The following CHD5 variants were observed in gnomAD, a reference collection of about 807,000 sequenced individuals.
CHD5 encodes chromodomain helicase DNA binding protein 5, also known as ATP-dependent chromatin remodeler CHD5.
In CHD5, 69 loss-of-function variants were observed where a neutral mutation model predicts 230.3. The observed-to-expected ratio is 0.30, with a 90% confidence interval of 0.25 to 0.37. The LOEUF is 0.37. CHD5 is among the 10% of genes least tolerant of loss of function. The pLI is 1.00. For synonymous variants in CHD5, 1,064 were observed against 1,065.9 expected (o/e 1.00, Z 0.03); for missense variants, 1,827 against 2,622.8 (o/e 0.70, Z 6.63).
intron 11 of CHD5, 99 bp from the exon 12 acceptor site, chr1:6,144,254 G>A: frequency 6.6e-7 from 1 of 1,521,730 alleles, no homozygotes; most frequent in Non-Finnish European, 9.0e-7. Flanking sequence ...TCACACCCAG[G>A]GTCCCCTCGG....
chr1:6,128,667 G>A lies in CHD5; in HGVS notation c.3620-58C>T, dbSNP rs987179575. 1.4e-5 allele frequency: 21 copies of A among 1,459,644 alleles called. No individual in the cohort carries two copies. Among genetic ancestry groups the A allele is most frequent in the Middle Eastern group, 3.5e-4 (2 of 5,776 alleles). 90.4% of individuals were successfully genotyped at this position (1,459,644 alleles called of 1,614,324 possible). On this transcript the variant is annotated intron_variant, in intron 23 of 41. Transcript: ENST00000262450. The surrounding 1 kb of genome is among the most constrained non-coding windows in gnomAD (Gnocchi z 7.8). ...GACCACAGAGGGCTGCAGGGTTGGCGGGCAGTGCCCAGAGACACCACCCTG... is the reference window on the plus strand; with the variant it reads ...GACCACAGAGGGCTGCAGGGTTGGCAGGCAGTGCCCAGAGACACCACCCTG...
At position 6,130,677 on chromosome 1, in the gene CHD5, C is replaced by G. The variant is rs1293012452; in HGVS notation, c.3263-349G>C. On this transcript the variant is annotated intron_variant, in intron 21 of 41. Coordinates refer to ENST00000262450, the MANE Select transcript of CHD5 (RefSeq NM_015557.3). The surrounding 1 kb of genome is among the most constrained non-coding windows in gnomAD (Gnocchi z 4.9). ...GAGCTCAGAGTCCTTCATGTCCCCG[C>G]AGCTTCCCACCCCTGGCTTCCCTTA... 6.6e-6 allele frequency among the ~76,000 whole-genome samples: 1 copy of G among 152,220 alleles called. No individual in the cohort carries two copies. The highest frequency in any genetic ancestry group is 6.5e-5 in the Admixed American group (1 of 15,290).
rs533462615 is a variant in CHD5, at chr1:6,125,006, A to G, written c.4394+94T>C. The G allele has an allele frequency of 1.5e-4, 198 of 1,305,604 alleles. No homozygotes were observed. The African/African-American group carries it at 2.1e-3, about 14-fold the overall frequency. 80.9% of individuals were successfully genotyped at this position (1,305,604 alleles called of 1,614,324 possible). On this transcript the variant is annotated intron_variant, in intron 29 of 41. Transcript: ENST00000262450. The surrounding 1 kb of genome is among the most constrained non-coding windows in gnomAD (Gnocchi z 6.7). ...TTTCCAGACGGCCTCATCCTGGCGG[A>G]AGCAAATGCTGCCCTCTGTGGGGCT...
chr1:6,111,933 G>A (rs752654062), intron 35 of CHD5, 50 bp from the exon 36 acceptor site: 39 of 1,534,480 alleles, frequency 2.5e-5, no homozygotes, highest in African/African-American at 4.1e-5. Flanking sequence ...CAGCTCTCAC[G>A]CACAGGCAGG....
intron 36 of CHD5, among the ~76,000 whole-genome samples, chr1:6,110,895 G>C (rs1461302535): frequency 6.6e-6 from 1 of 152,192 alleles, no homozygotes; most frequent in Admixed American, 6.5e-5. Context: ...TGCTGGACTA[G>C]GGTGGGCCCT....
Position 6,130,119 on chromosome 1 carries a change from G to T in CHD5, c.3387+85C>A. The T allele has an allele frequency of 6.7e-7, 1 of 1,499,242 alleles. No individual in the cohort carries two copies. The allele number at this position is 1,499,242 out of a possible 1,614,324, so 92.9% of individuals were successfully genotyped here. A position where few individuals can be genotyped will look rare whatever the true frequency, so the allele number is the denominator to read the frequency against. On this transcript the variant is annotated intron_variant, in intron 22 of 41. Coordinates refer to ENST00000262450, the MANE Select transcript of CHD5 (RefSeq NM_015557.3). This position sits in a 1 kb window ranked among gnomAD's most constrained non-coding sequence, Gnocchi z 4.9. ...CACCAGGATAGGTGAGGGGGTGATG[G>T]CAAGAAGGGCATGAAGGACAGAACC...
intron 11 of CHD5, among the ~76,000 whole-genome samples, chr1:6,144,784 T>G (rs1157641013): frequency 6.6e-6 from 1 of 152,152 alleles, no homozygotes; most frequent in Non-Finnish European, 1.5e-5. Flanking sequence ...GGGGCTTGAC[T>G]ACCCCACACA....
At chr1:6,132,318 C>T (rs1389889768) in intron 20 of CHD5, among the ~76,000 whole-genome samples, 1 of 152,202 alleles carries the variant, frequency 6.6e-6, no homozygotes, top group Non-Finnish European at 1.5e-5. Flanking sequence ...GAGATTTTGC[C>T]ATGGTCTCTG....
At chr1:6,136,304 G>T (rs1339559900) in intron 17 of CHD5, among the ~76,000 whole-genome samples, 1 of 152,206 alleles carries the variant, frequency 6.6e-6, no homozygotes, top group East Asian at 1.9e-4. Context: ...AGCAGCAGTT[G>T]ATATTTACCA....
At chr1:6,166,749 AAGG>A (rs1667262139) in intron 2 of CHD5, among the ~76,000 whole-genome samples, 1 of 152,060 alleles carries the variant, frequency 6.6e-6, no homozygotes, top group Non-Finnish European at 1.5e-5. Flanking sequence ...CCCAGAGGCG[AAGG>A]CAGGGACCCT....
chr1:6,151,229 T>C, intron 6 of CHD5, 74 bp from the exon 7 acceptor site: 1 of 1,496,624 alleles, frequency 6.7e-7, no homozygotes. Context: ...CAGTGTGGGG[T>C]GGGACAAAGC....
chr1:6,161,168 T>C (rs1667172043), intron 2 of CHD5, among the ~76,000 whole-genome samples: 1 of 151,626 alleles, frequency 6.6e-6, no homozygotes, highest in Non-Finnish European at 1.5e-5. Flanking sequence ...GGAAAGAGAA[T>C]GAGGAGGCAG....
chr1:6,180,068 G>T lies in CHD5; in HGVS notation c.-45C>A. On this transcript the variant is annotated 5_prime_UTR_variant, in exon 1 of 42. Coordinates refer to ENST00000262450, the MANE Select transcript of CHD5 (RefSeq NM_015557.3). ...GGAGGTGGGCGCCCCCCCTCCCGCC[G>T]GGCGCGGTGCCAGCCTTAACCCGTG... is the stretch of plus-strand genomic sequence containing the variant. 8.9e-7 allele frequency: 1 copy of T among 1,118,490 alleles called. No individual in the cohort carries two copies. The highest frequency in any genetic ancestry group is 1.1e-6 in the Non-Finnish European group (1 of 879,064). 69.3% of individuals were successfully genotyped at this position (1,118,490 alleles called of 1,614,324 possible).
rs550338760 is a variant in CHD5 at position 6,130,924 on chromosome 1, C to T, written c.3263-596G>A. Among the ~76,000 whole-genome samples the T allele has an allele frequency of 5.3e-5, 8 of 152,368 alleles. No individual in the cohort carries two copies. Among genetic ancestry groups the T allele is most frequent in the African/African-American group, 1.7e-4 (7 of 41,582 alleles). ...CCTGCTTCCACATGTGGCTGGGCCA[C>T]GTCTAGACCCTGAAACTCTGAACTT... On this transcript the variant is annotated intron_variant, in intron 21 of 41. Coordinates refer to ENST00000262450, the MANE Select transcript of CHD5 (RefSeq NM_015557.3). The surrounding 1 kb of genome is among the most constrained non-coding windows in gnomAD (Gnocchi z 4.9).
intron 2 of CHD5, among the ~76,000 whole-genome samples, chr1:6,166,480 C>A (rs4908535): frequency 0.33 from 50,707 of 151,692 alleles, 13,444 homozygotes; most frequent in African/African-American, 0.71. Flanking sequence ...CAAAGAGCAC[C>A]GGGGCGGTAC....
chr1:6,128,210 T>C lies in CHD5; in HGVS notation c.3739A>G (p.Lys1247Glu). ...KHGSTPPGDNKDVEDSSVIHY... is the reference protein window; with the variant it reads ...KHGSTPPGDNEDVEDSSVIHY... The stretch of plus-strand genomic sequence containing the variant: ...ATCACACTGCTGTCCTCCACGTCCT[T>C]GTTGTCACCTGGGGAGCAGGCAAAT... Residue 1247 changes from lysine to glutamate, a missense_variant, in exon 25 of 42, where the codon AAG (lysine) becomes GAG (glutamate). Physicochemically the swap from Lys to Glu is moderately conservative, Grantham distance 56. This residue lies in a region of CHD5 where 137 missense variants were observed against 272.7 expected (regional missense o/e 0.50). Transcript: ENST00000262450. This position sits in a 1 kb window ranked among gnomAD's most constrained non-coding sequence, Gnocchi z 7.8. 6.2e-7 allele frequency: 1 copy of C among 1,613,940 alleles called. No homozygotes were observed. The highest frequency in any genetic ancestry group is 8.5e-7 in the Non-Finnish European group (1 of 1,179,942).
rs561586774 is a variant in CHD5 at position 6,180,299 on chromosome 1, C to T, written c.-276G>A. 2.5e-4 allele frequency among the ~76,000 whole-genome samples: 38 copies of T among 151,538 alleles called. No individual in the cohort carries two copies. The highest frequency in any genetic ancestry group is 8.9e-4 in the African/African-American group (37 of 41,390). On this transcript the variant is annotated 5_prime_UTR_variant, in exon 1 of 42. Transcript: ENST00000262450. ...CGCAGCCGGCCGAGGGTGGCGGCGGCAGCGCCAGAGGCACGGCGGCACGGC... is the reference window on the plus strand; with the variant it reads ...CGCAGCCGGCCGAGGGTGGCGGCGGTAGCGCCAGAGGCACGGCGGCACGGC...
In CHD5 at chr1:6,111,762, T is replaced by C; in HGVS notation, c.5249+13A>G. ...GGGCAAGTCCCTGCCCAGCCCGGCCTGGCCAAGGATACGTCACGATGCCCG... is the reference window on the plus strand; with the variant it reads ...GGGCAAGTCCCTGCCCAGCCCGGCCCGGCCAAGGATACGTCACGATGCCCG... On this transcript the variant is annotated intron_variant, in intron 36 of 41. Coordinates refer to ENST00000262450, the MANE Select transcript of CHD5 (RefSeq NM_015557.3). 1 of 1,611,186 alleles carries C rather than the reference T, an allele frequency of 6.2e-7. No homozygotes were observed. The highest frequency in any genetic ancestry group is 1.1e-5 in the South Asian group (1 of 91,038).
Position 6,106,246 on chromosome 1 carries a change from T to A in CHD5, c.*34A>T. The stretch of plus-strand genomic sequence containing the variant: ...CAGCAGCCCTCACCTCAGCTGGAAA[T>A]GAGCGCTGCAACACAGGGAAGTCTC... On this transcript the variant is annotated 3_prime_UTR_variant, in exon 41 of 42. Transcript: ENST00000262450. 1 of 1,612,658 alleles carries A rather than the reference T, an allele frequency of 6.2e-7. No individual in the cohort carries two copies. Among genetic ancestry groups the A allele is most frequent in the Non-Finnish European group, 8.5e-7 (1 of 1,179,902 alleles).
Sources: gnomAD v4.1 joint callset for allele counts (sites outside exome capture counted in the v4.1 genomes callset) on GRCh38, gnomAD v4.1.1 for gene constraint, gnomAD v4.1.1 regional missense constraint, Gnocchi (gnomAD v3.1) non-coding constraint, MANE v1.5 for transcripts, NCBI Gene and HGNC (gene_info 2026-07-23, HGNC 2026-07-21) for gene names.